The following GPC5 variants were observed in gnomAD, a reference collection of about 807,000 sequenced individuals.
GPC5 encodes glypican-5.
A neutral mutation model predicts 53.9 loss-of-function variants in GPC5; 47 were observed. The ratio of observed to expected loss-of-function variants is 0.87; its 90% CI spans 0.69 to 1.11. The LOEUF is 1.11. GPC5 is among the 50% of genes most tolerant of loss of function. The pLI, the probability that GPC5 is intolerant of heterozygous loss-of-function variation, is 0.00. For synonymous variants in GPC5, 286 were observed against 263.3 expected (o/e 1.09, Z -0.84); for missense variants, 748 against 713.1 (o/e 1.05, Z -0.56).
Position 92,819,206 on chromosome 13 carries a change from G to C in GPC5, c.1562-47076G>C, listed in dbSNP as rs143093765. Among the ~76,000 whole-genome samples the C allele has an allele frequency of 1.5e-3, 235 of 151,980 alleles. 9 individuals are homozygous for C. Among genetic ancestry groups the C allele is most frequent in the African/African-American group, 5.4e-3 (222 of 41,328 alleles). ...TATTTAACAAACCTGTTATAGCATAGCAAAAATTTTTAAATGCATAGGATA... is the reference window on the plus strand; with the variant it reads ...TATTTAACAAACCTGTTATAGCATACCAAAAATTTTTAAATGCATAGGATA... On this transcript the variant is annotated intron_variant, in intron 7 of 7. Coordinates refer to ENST00000377067, the MANE Select transcript of GPC5 (RefSeq NM_004466.6).
intron 2 of GPC5, among the ~76,000 whole-genome samples, chr13:91,580,840 C>T (rs367967086): frequency 1.3e-5 from 2 of 152,114 alleles, no homozygotes; most frequent in South Asian, 4.1e-4. Flanking sequence ...TGTATTAGTC[C>T]ATTTTCACAC....
intron 6 of GPC5, among the ~76,000 whole-genome samples, chr13:91,915,635 T>A (rs911770533): frequency 6.6e-6 from 1 of 152,302 alleles, no homozygotes. Flanking sequence ...TGTAAAACTT[T>A]TATATTTTTT....
chr13:92,673,446 G>A (rs1594408157), intron 7 of GPC5, among the ~76,000 whole-genome samples: 1 of 151,828 alleles, frequency 6.6e-6, no homozygotes, highest in Admixed American at 6.6e-5. Flanking sequence ...CATGATGCCT[G>A]GCTAATTTTG....
chr13:92,783,871 C>G (rs2138765298), intron 7 of GPC5, among the ~76,000 whole-genome samples: 2 of 152,162 alleles, frequency 1.3e-5, no homozygotes, highest in South Asian at 4.1e-4. Context: ...ATGTGTCATA[C>G]AAAGAAAATT....
At chr13:92,298,608 G>A (rs757743723) in intron 7 of GPC5, among the ~76,000 whole-genome samples, 2 of 152,180 alleles carry the variant, frequency 1.3e-5, no homozygotes, top group Non-Finnish European at 2.9e-5. Context: ...CCCCCTGGGG[G>A]TGTGTGTTCA....
intron 3 of GPC5, among the ~76,000 whole-genome samples, chr13:91,705,943 C>T (rs1194777410): frequency 2.0e-5 from 3 of 147,482 alleles, no homozygotes; most frequent in Non-Finnish European, 3.0e-5. Flanking sequence ...TGCAGTGGCA[C>T]GATCTCGGCT....
intron 7 of GPC5, among the ~76,000 whole-genome samples, chr13:92,828,646 A>G (rs1024311924): frequency 1.3e-5 from 2 of 152,118 alleles, no homozygotes; most frequent in African/African-American, 4.8e-5. Flanking sequence ...GACATCCTTT[A>G]GTGGAACATG....
Position 92,839,234 on chromosome 13 carries a change from G to A in GPC5, c.1562-27048G>A, listed in dbSNP as rs550779072. On this transcript the variant is annotated intron_variant, in intron 7 of 7. Transcript: ENST00000377067. ...TTTATGTATCTGTTATATTTAAAGTGCATTCCTGAAATCAAAATCCTTCTA... is the reference window on the plus strand; with the variant it reads ...TTTATGTATCTGTTATATTTAAAGTACATTCCTGAAATCAAAATCCTTCTA... 1.4e-4 allele frequency among the ~76,000 whole-genome samples: 22 copies of A among 152,286 alleles called. No individual in the cohort carries two copies. The East Asian group carries it at 3.9e-3, about 27-fold the overall frequency.
At chr13:91,467,471 T>C (rs566328319) in intron 2 of GPC5, among the ~76,000 whole-genome samples, 1 of 152,234 alleles carries the variant, frequency 6.6e-6, no homozygotes, top group South Asian at 2.1e-4. Context: ...CATTCCTCAT[T>C]TTGCTTTCTT....
At position 92,179,749 on chromosome 13, in the gene GPC5, TTGA is replaced by T. The variant is rs569883812; in HGVS notation, c.1561+34765_1561+34767del. ...AGTTTCATTATATGCTTTTAAAACTTTGATGATTTATATGATCATAGAACTTTC... is the reference window on the plus strand; with the variant it reads ...AGTTTCATTATATGCTTTTAAAACTTTGATTTATATGATCATAGAACTTTC... On this transcript the variant is annotated intron_variant, in intron 7 of 7. Coordinates refer to ENST00000377067, the MANE Select transcript of GPC5 (RefSeq NM_004466.6). Among the ~76,000 whole-genome samples the T allele has an allele frequency of 2.1e-3, 318 of 152,336 alleles. 3 individuals carry two copies. The highest frequency in any genetic ancestry group is 1.4e-3 in the Non-Finnish European group (94 of 68,020).
chr13:92,775,135 C>CTGCA (rs1296329909), intron 7 of GPC5, among the ~76,000 whole-genome samples: 1 of 152,122 alleles, frequency 6.6e-6, no homozygotes, highest in Non-Finnish European at 1.5e-5. Context: ...TGGTCTTGTC[C>CTGCA]TGCAGCTGTT....
chr13:92,616,610 A>G (rs190907999), intron 7 of GPC5, among the ~76,000 whole-genome samples: 5 of 152,356 alleles, frequency 3.3e-5, no homozygotes, highest in Admixed American at 2.0e-4. Flanking sequence ...TTGTTACACT[A>G]CCACAATCTG....
intron 2 of GPC5, among the ~76,000 whole-genome samples, chr13:91,620,161 C>T (rs138038322): frequency 1.3e-5 from 2 of 152,220 alleles, no homozygotes; most frequent in Non-Finnish European, 2.9e-5. Context: ...CCAAATCATG[C>T]TTTAACCATC....
intron 7 of GPC5, among the ~76,000 whole-genome samples, chr13:92,381,897 A>ATCATATATATCATATAT (rs1218262542): frequency 1.8e-4 from 18 of 101,320 alleles, no homozygotes; most frequent in African/African-American, 2.2e-4. Flanking sequence ...TATTATATAT[A>ATCATATATATCATATAT]ATCATATATA....
chr13:92,408,890 T>C (rs1424461766), intron 7 of GPC5, among the ~76,000 whole-genome samples: 1 of 152,104 alleles, frequency 6.6e-6, no homozygotes, highest in Non-Finnish European at 1.5e-5. Flanking sequence ...GTGTGCCATA[T>C]ACATGAATGA....
intron 7 of GPC5, among the ~76,000 whole-genome samples, chr13:92,174,820 A>C (rs567693255): frequency 6.6e-6 from 1 of 152,216 alleles, no homozygotes; most frequent in African/African-American, 2.4e-5. Flanking sequence ...CCATTAAAAT[A>C]ACACACTGTG....
intron 6 of GPC5, among the ~76,000 whole-genome samples, chr13:92,077,962 T>C (rs2041265730): frequency 1.4e-5 from 2 of 144,828 alleles, no homozygotes; most frequent in Non-Finnish European, 1.5e-5. Context: ...AGATAGATAA[T>C]AGATAGGCAG....
intron 6 of GPC5, among the ~76,000 whole-genome samples, chr13:91,933,399 T>G (rs1217738588): frequency 6.6e-6 from 1 of 152,000 alleles, no homozygotes; most frequent in African/African-American, 2.4e-5. Flanking sequence ...TTCCTGTTTT[T>G]ATGTATCATA....
intron 2 of GPC5, among the ~76,000 whole-genome samples, chr13:91,637,270 G>T (rs1224627449): frequency 6.6e-6 from 1 of 152,142 alleles, no homozygotes; most frequent in Non-Finnish European, 1.5e-5. Context: ...TTATAAAGTT[G>T]TATTTCTCAT....
Sources: gnomAD v4.1 joint callset for allele counts (sites outside exome capture counted in the v4.1 genomes callset) on GRCh38, gnomAD v4.1.1 for gene constraint, MANE v1.5 for transcripts, NCBI Gene and HGNC (gene_info 2026-07-23, HGNC 2026-07-21) for gene names.